OR52N4: variants seen among roughly 807,000 people sequenced by gnomAD.
OR52N4 encodes the protein olfactory receptor 52N4.
In OR52N4, 15 loss-of-function variants were observed where a neutral mutation model predicts 15.0. That is an observed-to-expected ratio of 1.00 (90% CI 0.67 to 1.54). OR52N4 has a LOEUF of 1.54. OR52N4 is among the 40% of genes most tolerant of loss of function. OR52N4 has a pLI of 0.00. For missense variants in OR52N4, 421 were observed against 394.0 expected, an observed-to-expected ratio of 1.07 and a Z score of -0.58; for synonymous variants, 143 against 143.7, an observed-to-expected ratio of 1.00 and a Z score of 0.03.
chr11:5,737,694 G>C, the OR52N4 span: 2 of 449,572 alleles, frequency 4.4e-6, no homozygotes, highest in Non-Finnish European at 7.7e-6. Context: ...ATATATTTGA[G>C]AATATGGAAG....
the OR52N4 span, among the ~76,000 whole-genome samples, chr11:5,746,467 C>T: frequency 1.3e-5 from 2 of 152,192 alleles, no homozygotes; most frequent in South Asian, 4.1e-4. Flanking sequence ...CAAATAACAC[C>T]ATTCCAAAGT....
chr11:5,733,417 T>TAA, the OR52N4 span, among the ~76,000 whole-genome samples: 5 of 152,084 alleles, frequency 3.3e-5, no homozygotes, highest in South Asian at 2.1e-4. Flanking sequence ...GATTCCTGGA[T>TAA]AAAAAGTCTT....
the OR52N4 span, among the ~76,000 whole-genome samples, chr11:5,741,922 A>G: frequency 6.6e-6 from 1 of 151,864 alleles, no homozygotes; most frequent in African/African-American, 2.4e-5. Context: ...ATCACAAGAA[A>G]GCAGGAATGG....
upstream of OR52N4, among the ~76,000 whole-genome samples, chr11:5,750,860 T>C (rs1854175639): frequency 6.6e-6 from 1 of 152,028 alleles, no homozygotes. Flanking sequence ...AAAATTTCAA[T>C]TTTTGAACCA....
upstream of OR52N4, among the ~76,000 whole-genome samples, chr11:5,753,084 C>T (rs1854223122): frequency 6.6e-6 from 1 of 152,060 alleles, no homozygotes; most frequent in Non-Finnish European, 1.5e-5. Flanking sequence ...TTAGGCTATA[C>T]TACAAATCAT....
At chr11:5,745,303 G>A in the OR52N4 span, among the ~76,000 whole-genome samples, 1 of 152,102 alleles carries the variant, frequency 6.6e-6, no homozygotes, top group Non-Finnish European at 1.5e-5. Context: ...AAACCCTAAA[G>A]ACTCATCCAA....
chr11:5,733,169 C>A, the OR52N4 span, among the ~76,000 whole-genome samples: 1 of 152,124 alleles, frequency 6.6e-6, no homozygotes, highest in Admixed American at 6.6e-5. Flanking sequence ...TTATCCTAAA[C>A]CTTTTCAGTG....
chr11:5,733,631 C>T, the OR52N4 span, among the ~76,000 whole-genome samples: 2 of 152,014 alleles, frequency 1.3e-5, no homozygotes, highest in African/African-American at 4.8e-5. Flanking sequence ...TGTTATTATT[C>T]TCTCCCCCCA....
At chr11:5,750,339 C>T (rs925459472), upstream of OR52N4, among the ~76,000 whole-genome samples, 1 of 151,918 alleles carries the variant, frequency 6.6e-6, no homozygotes, top group African/African-American at 2.4e-5. Context: ...TCTTTCCACA[C>T]ATAATTCATT....
upstream of OR52N4, among the ~76,000 whole-genome samples, chr11:5,753,065 T>C (rs1854222784): frequency 6.6e-6 from 1 of 152,210 alleles, no homozygotes; most frequent in Admixed American, 6.5e-5. Context: ...ATTTAGGTTT[T>C]TTCCAGTTTT....
chr11:5,737,473 A>C, the OR52N4 span: 3 of 1,611,280 alleles, frequency 1.9e-6, no homozygotes, highest in Non-Finnish European at 2.5e-6. Flanking sequence ...TTGCCCTTAC[A>C]AAAGAAATAA....
the OR52N4 span, among the ~76,000 whole-genome samples, chr11:5,731,116 G>A: frequency 2.0e-5 from 3 of 152,148 alleles, no homozygotes; most frequent in Admixed American, 2.0e-4. Context: ...AATTTGAAGA[G>A]CAATGAAAAC....
upstream of OR52N4, among the ~76,000 whole-genome samples, chr11:5,751,235 A>G (rs1854185508): frequency 6.6e-6 from 1 of 151,920 alleles, no homozygotes; most frequent in South Asian, 2.1e-4. Context: ...TATAATTTTC[A>G]TTCTGATGAA....
At chr11:5,740,505 C>T in the OR52N4 span, among the ~76,000 whole-genome samples, 1 of 127,438 alleles carries the variant, frequency 7.8e-6, no homozygotes, top group African/African-American at 2.8e-5. Flanking sequence ...GGGGAGTACA[C>T]TTGGGCATGA....
At chr11:5,751,041 GA>G (rs550574827), upstream of OR52N4, among the ~76,000 whole-genome samples, 7 of 151,266 alleles carry the variant, frequency 4.6e-5, no homozygotes, top group East Asian at 1.9e-4. Flanking sequence ...ATCAAACTTG[GA>G]AAAAAAACAA....
At chr11:5,731,064 G>A in the OR52N4 span, among the ~76,000 whole-genome samples, 2 of 152,062 alleles carry the variant, frequency 1.3e-5, no homozygotes, top group Admixed American at 6.6e-5. Flanking sequence ...CCTTCCATTC[G>A]TGTATACTGT....
the OR52N4 span, among the ~76,000 whole-genome samples, chr11:5,744,371 C>A: frequency 6.6e-6 from 1 of 152,124 alleles, no homozygotes; most frequent in East Asian, 1.9e-4. Flanking sequence ...GCTTGTTTCA[C>A]CCTGATTCCA....
chr11:5,738,864 A>ATTGT, the OR52N4 span, among the ~76,000 whole-genome samples: 2 of 64,656 alleles, frequency 3.1e-5, 1 homozygote, highest in Non-Finnish European at 7.3e-5. Flanking sequence ...TTTCCATTAA[A>ATTGT]CACATGCTCA....
chr11:5,736,548 C>G, the OR52N4 span: 1 of 1,613,786 alleles, frequency 6.2e-7, no homozygotes, highest in Non-Finnish European at 8.5e-7. Context: ...CTCAAAATCT[C>G]CAATAGCTCC....
Sources: allele counts gnomAD v4.1 joint callset (sites outside exome capture counted in the v4.1 genomes callset), GRCh38; gene constraint gnomAD v4.1.1; transcripts MANE v1.5; gene names NCBI Gene and HGNC (gene_info 2026-07-23, HGNC 2026-07-21).